EBF1: variants seen among roughly 807,000 people sequenced by gnomAD.
The protein encoded by EBF1 is transcription factor COE1.
In EBF1, 10 loss-of-function variants were observed where a neutral mutation model predicts 68.4. That is an observed-to-expected ratio of 0.15 (90% CI 0.09 to 0.25). The LOEUF (loss-of-function observed/expected upper bound fraction) is 0.25. Ranked by LOEUF, EBF1 falls within the 10% of genes least tolerant of loss-of-function variation. The probability of loss-of-function intolerance (pLI) is 1.00; values close to 1 mark genes in which losing one functional copy is unlikely to be tolerated. For synonymous variants in EBF1, 298 were observed against 299.8 expected, an observed-to-expected ratio of 0.99 and a Z score of 0.06; for missense variants, 509 against 794.4, an observed-to-expected ratio of 0.64 and a Z score of 4.32.
At chr5:158,727,794 G>A (rs2127536996) in intron 11 of EBF1, among the ~76,000 whole-genome samples, 1 of 152,280 alleles carries the variant, frequency 6.6e-6, no homozygotes, top group East Asian at 1.9e-4. Flanking sequence ...CTCTCTCGCA[G>A]GAGGGACTCC....
chr5:158,966,636 C>A (rs1754205436), intron 6 of EBF1, among the ~76,000 whole-genome samples: 1 of 152,166 alleles, frequency 6.6e-6, no homozygotes, highest in Non-Finnish European at 1.5e-5. Flanking sequence ...AACACATATT[C>A]TTTTTCCTGT....
chr5:159,048,846 C>G (rs867828401), intron 6 of EBF1, among the ~76,000 whole-genome samples: 1 of 152,156 alleles, frequency 6.6e-6, no homozygotes, highest in South Asian at 2.1e-4. Context: ...GGGTGAGGGC[C>G]GTTCAGCAAC....
intron 7 of EBF1, among the ~76,000 whole-genome samples, chr5:158,831,371 A>C (rs1787522317): frequency 1.3e-5 from 2 of 152,206 alleles, no homozygotes; most frequent in African/African-American, 4.8e-5. Flanking sequence ...ACTTAGTCAT[A>C]GGAATACGTG....
chr5:158,901,796 A>C (rs1158573935), intron 6 of EBF1, among the ~76,000 whole-genome samples: 1 of 152,206 alleles, frequency 6.6e-6, no homozygotes, highest in African/African-American at 2.4e-5. Context: ...AGAAGACTCA[A>C]AACCAAGTTT....
chr5:158,871,888 A>G (rs1242338927), intron 6 of EBF1, among the ~76,000 whole-genome samples: 1 of 152,204 alleles, frequency 6.6e-6, no homozygotes, highest in African/African-American at 2.4e-5. Flanking sequence ...AAACAAAACA[A>G]AAACCCAGAC....
chr5:158,701,514 C>A (rs1178139842), intron 15 of EBF1, among the ~76,000 whole-genome samples: 1 of 152,106 alleles, frequency 6.6e-6, no homozygotes, highest in Non-Finnish European at 1.5e-5. Flanking sequence ...TATTTTGGAC[C>A]ATTGGGGCTG....
chr5:158,762,082 G>A (rs1393070889), intron 10 of EBF1, among the ~76,000 whole-genome samples: 1 of 152,108 alleles, frequency 6.6e-6, no homozygotes, highest in African/African-American at 2.4e-5. Flanking sequence ...GCATTGCAGT[G>A]CACAATTTAT....
At chr5:158,989,684 C>T (rs1186257729) in intron 6 of EBF1, among the ~76,000 whole-genome samples, 1 of 152,332 alleles carries the variant, frequency 6.6e-6, no homozygotes, top group East Asian at 1.9e-4. Flanking sequence ...AAAACTTTCA[C>T]TCTTACTCCC....
At chr5:158,878,215 C>T (rs898736591) in intron 6 of EBF1, among the ~76,000 whole-genome samples, 1 of 151,906 alleles carries the variant, frequency 6.6e-6, no homozygotes, top group Non-Finnish European at 1.5e-5. Flanking sequence ...GGAGTGAGGA[C>T]AGATCTGTAT....
chr5:158,696,903 T>TTTTTTTTC lies in EBF1; in HGVS notation c.*2200_*2207dup, dbSNP rs1479205790. On this transcript the variant is annotated 3_prime_UTR_variant, in exon 16 of 16. Transcript: ENST00000313708. ...TGTGCTTTTCGATTTCTTTGTTTTTTTTTTTTTCTTTTTTTCTTTTTCTTT... is the reference window on the plus strand; with the variant it reads ...TGTGCTTTTCGATTTCTTTGTTTTTTTTTTTTTCTTTTTTTCTTTTTTTCTTTTTCTTT... 5.0e-6 allele frequency: 1 copy of TTTTTTTTC among 198,384 alleles called. No individual in the cohort carries two copies. The highest frequency in any genetic ancestry group is 2.3e-5 in the African/African-American group (1 of 43,352). 12.3% of individuals were successfully genotyped at this position (198,384 alleles called of 1,614,324 possible). A position where few individuals can be genotyped will look rare whatever the true frequency, so the allele number is the denominator to read the frequency against.
intron 6 of EBF1, among the ~76,000 whole-genome samples, chr5:158,842,027 T>C (rs544759704): frequency 2.0e-3 from 309 of 152,318 alleles, no homozygotes; most frequent in Non-Finnish European, 3.5e-3. Context: ...AGAACACCAC[T>C]GAAGCCCAGC....
chr5:158,975,325 G>T (rs187134679), intron 6 of EBF1, among the ~76,000 whole-genome samples: 1 of 152,102 alleles, frequency 6.6e-6, no homozygotes, highest in Non-Finnish European at 1.5e-5. Flanking sequence ...AGTACATACC[G>T]TATGCTGTGT....
intron 6 of EBF1, among the ~76,000 whole-genome samples, chr5:158,938,024 C>A (rs1337632538): frequency 6.6e-6 from 1 of 152,204 alleles, no homozygotes; most frequent in Non-Finnish European, 1.5e-5. Context: ...CACTATAAGG[C>A]AAAATGTACC....
intron 6 of EBF1, among the ~76,000 whole-genome samples, chr5:158,939,937 A>T (rs1355702356): frequency 6.6e-6 from 1 of 152,146 alleles, no homozygotes; most frequent in African/African-American, 2.4e-5. Flanking sequence ...CTGAAACAGA[A>T]TACACTTATA....
At chr5:158,964,975 T>C (rs555559454) in intron 6 of EBF1, among the ~76,000 whole-genome samples, 1 of 152,348 alleles carries the variant, frequency 6.6e-6, no homozygotes, top group Non-Finnish European at 1.5e-5. Flanking sequence ...GCTTAACATG[T>C]GATGCGTCAA....
At chr5:158,873,930 T>C (rs989646746) in intron 6 of EBF1, among the ~76,000 whole-genome samples, 2 of 152,236 alleles carry the variant, frequency 1.3e-5, no homozygotes, top group East Asian at 1.9e-4. Flanking sequence ...TTGGCTAATA[T>C]AGGTATGGGA....
rs201582079 is a variant in EBF1 at position 158,856,640 on chromosome 5, AT to A, written c.555-16531del. On this transcript the variant is annotated intron_variant, in intron 6 of 15. Coordinates refer to ENST00000313708, the MANE Select transcript of EBF1 (RefSeq NM_024007.5). Reference sequence around the variant, plus strand: ...CTAATGTTTATACTACATTTAGTACATTTTTTTAGTCCTCACAGCAACCCTA... The same window carrying A: ...CTAATGTTTATACTACATTTAGTACATTTTTTAGTCCTCACAGCAACCCTA... 5.6e-3 allele frequency among the ~76,000 whole-genome samples: 852 copies of A among 152,238 alleles called. 8 individuals carry two copies. The highest frequency in any genetic ancestry group is 0.02 in the African/African-American group (810 of 41,536).
chr5:159,060,835 T>C (rs1481158296), intron 6 of EBF1, among the ~76,000 whole-genome samples: 1 of 152,164 alleles, frequency 6.6e-6, no homozygotes, highest in Non-Finnish European at 1.5e-5. Flanking sequence ...AACTTGGCTA[T>C]CTACCTTTCA....
chr5:158,780,284 G>T (rs1056166541), intron 9 of EBF1, among the ~76,000 whole-genome samples: 2 of 152,146 alleles, frequency 1.3e-5, no homozygotes, highest in African/African-American at 4.8e-5. Context: ...GAGGGACAGG[G>T]TCTAGATCTA....
Sources: allele counts gnomAD v4.1 joint callset (sites outside exome capture counted in the v4.1 genomes callset), GRCh38; gene constraint gnomAD v4.1.1; transcripts MANE v1.5; gene names NCBI Gene and HGNC (gene_info 2026-07-23, HGNC 2026-07-21).